Variants in DIXDC1 observed in about 807,000 individuals in gnomAD.
The protein encoded by DIXDC1 is dixin.
A neutral mutation model predicts 103.1 loss-of-function variants in DIXDC1; 64 were observed. The observed-to-expected ratio is 0.62, with a 90% CI of 0.51 to 0.76. The LOEUF (loss-of-function observed/expected upper bound fraction) is 0.76. Among genes scored for constraint, DIXDC1 ranks in the 30% least tolerant of loss-of-function variants. The pLI is 0.00. For synonymous variants in DIXDC1, 266 were observed against 298.5 expected (o/e 0.89, Z 1.12); for missense variants, 759 against 834.2 (o/e 0.91, Z 1.11).
intron 5 of DIXDC1, among the ~76,000 whole-genome samples, chr11:111,979,237 A>G (rs1555173013): frequency 6.6e-6 from 1 of 152,220 alleles, no homozygotes. Flanking sequence ...ACTAGTCCTC[A>G]GGCTGCCTCA....
chr11:112,011,754 G>A (rs1861427837), intron 17 of DIXDC1, among the ~76,000 whole-genome samples: 5 of 151,734 alleles, frequency 3.3e-5, no homozygotes, highest in Non-Finnish European at 5.9e-5. Flanking sequence ...ATTGAACAAT[G>A]AGAACACATG....
chr11:111,965,914 T>TTTGGATCTAAAACATAGA (rs1859712186), intron 2 of DIXDC1, among the ~76,000 whole-genome samples: 1 of 152,194 alleles, frequency 6.6e-6, no homozygotes, highest in Non-Finnish European at 1.5e-5. Flanking sequence ...TCTGCTTTAA[T>TTTGGATCTAAAACATAGA]TCCAAAGCCT....
intron 10 of DIXDC1, among the ~76,000 whole-genome samples, chr11:111,989,561 T>C (rs1860623917): frequency 6.7e-6 from 1 of 149,310 alleles, no homozygotes; most frequent in East Asian, 2.0e-4. Flanking sequence ...GAGGCAGAGG[T>C]TGCAGTGAGC....
intron 2 of DIXDC1, 62 bp from the exon 3 acceptor site, chr11:111,968,451 C>A: frequency 6.4e-7 from 1 of 1,553,104 alleles, no homozygotes; most frequent in Non-Finnish European, 8.8e-7. Flanking sequence ...CTGTGTCTAG[C>A]TGCTATGAAA....
At chr11:111,991,895 G>A (rs1555174569) in intron 10 of DIXDC1, among the ~76,000 whole-genome samples, 1 of 152,200 alleles carries the variant, frequency 6.6e-6, no homozygotes, top group Non-Finnish European at 1.5e-5. Flanking sequence ...AGAGTGGCGG[G>A]CATGAATAGG....
chr11:111,992,653 AT>A, intron 11 of DIXDC1, 134 bp downstream of exon 11: 1 of 801,474 alleles, frequency 1.2e-6, no homozygotes, highest in South Asian at 1.8e-5. Flanking sequence ...GTCTGCAGTT[AT>A]TTTTATTCCC....
In DIXDC1 at chr11:111,964,826, A is replaced by T. The variant is rs931042185; in HGVS notation, c.190+148A>T. On this transcript the variant is annotated intron_variant, in intron 2 of 19. Transcript: ENST00000440460. Reference sequence around the variant, plus strand: ...AGACTTAAAATACTTGCCCAAGGTTAATTCATTTATTTATTCGTCAATAAA... The same window carrying T: ...AGACTTAAAATACTTGCCCAAGGTTTATTCATTTATTTATTCGTCAATAAA... 2.1e-5 allele frequency: 21 copies of T among 1,022,884 alleles called. No individual in the cohort carries two copies. The Admixed American group carries it at 4.2e-4, about 20-fold the overall frequency. 63.4% of individuals were successfully genotyped at this position (1,022,884 alleles called of 1,614,324 possible). A position where few individuals can be genotyped will look rare whatever the true frequency, so the allele number is the denominator to read the frequency against.
chr11:111,995,088 A>AC lies in DIXDC1; in HGVS notation c.1508dup (p.Ser504PhefsTer35), dbSNP rs1860849062. ...CCTTCCAACGGCAGGAAAAGGAGCT[A>AC]CTTCAGTCAGCAACAGAGGGGTACG... On this transcript the variant is annotated frameshift_variant, in exon 15 of 20. Coordinates refer to ENST00000440460, the MANE Select transcript of DIXDC1 (RefSeq NM_001037954.4). LOFTEE classifies it high-confidence loss of function. 1 of 1,613,728 alleles carries AC rather than the reference A, an allele frequency of 6.2e-7. No homozygotes were observed. Among genetic ancestry groups the AC allele is most frequent in the South Asian group, 1.1e-5 (1 of 91,086 alleles).
chr11:111,953,659 A>G (rs113620950), intron 1 of DIXDC1, among the ~76,000 whole-genome samples: 2 of 152,100 alleles, frequency 1.3e-5, no homozygotes, highest in Non-Finnish European at 2.9e-5. Flanking sequence ...AATAAAATCA[A>G]CCAGAATTTG....
At chr11:111,974,341 C>A (rs1860030102) in intron 4 of DIXDC1, 87 bp downstream of exon 4, 1 of 1,297,982 alleles carries the variant, frequency 7.7e-7, no homozygotes, top group Non-Finnish European at 1.1e-6. Flanking sequence ...ATAGAAACGT[C>A]ACCCAAACAG....
At position 112,020,586 on chromosome 11, in the gene DIXDC1, A is replaced by G. The variant is rs1861725875; in HGVS notation, c.*1550A>G. On this transcript the variant is annotated 3_prime_UTR_variant, in exon 20 of 20. Transcript: ENST00000440460. ...ATTCTGTATACTGTATCCATTTTCT[A>G]GAGAACCCAGTAGCTTTTATACAGT... The G allele has an allele frequency of 6.6e-6, 1 of 152,216 alleles. No individual in the cohort carries two copies. Among genetic ancestry groups the G allele is most frequent in the African/African-American group, 2.4e-5 (1 of 41,456 alleles). 9.4% of individuals were successfully genotyped at this position (152,216 alleles called of 1,614,324 possible). A position where few individuals can be genotyped will look rare whatever the true frequency, so the allele number is the denominator to read the frequency against.
intron 1 of DIXDC1, among the ~76,000 whole-genome samples, chr11:111,941,866 A>C (rs1294777501): frequency 6.6e-6 from 1 of 151,782 alleles, no homozygotes. Context: ...ACACACACAC[A>C]CACACACCCA....
intron 5 of DIXDC1, 64 bp from the exon 6 acceptor site, chr11:111,980,673 T>G: frequency 3.7e-6 from 5 of 1,369,454 alleles, no homozygotes; most frequent in Non-Finnish European, 5.1e-6. Flanking sequence ...GAATAAATTA[T>G]GAAAGCTGCT....
intron 14 of DIXDC1, 67 bp downstream of exon 14, chr11:111,993,807 CAG>C: frequency 6.4e-7 from 1 of 1,557,978 alleles, no homozygotes; most frequent in Non-Finnish European, 8.7e-7. Context: ...GTTTCTGACT[CAG>C]AGCTGAACCA....
chr11:111,952,835 A>AG (rs1966842692), intron 1 of DIXDC1, among the ~76,000 whole-genome samples: 1 of 151,608 alleles, frequency 6.6e-6, no homozygotes, highest in Non-Finnish European at 1.5e-5. Flanking sequence ...AAAAAAAAAA[A>AG]ATCCAAAAAT....
chr11:111,959,074 C>A (rs1376502032), intron 1 of DIXDC1, among the ~76,000 whole-genome samples: 5 of 152,232 alleles, frequency 3.3e-5, no homozygotes, highest in African/African-American at 1.2e-4. Flanking sequence ...TCCTCTTCAC[C>A]TTACCCTCCA....
At chr11:111,950,230 A>T (rs1555169766) in intron 1 of DIXDC1, among the ~76,000 whole-genome samples, 1 of 151,670 alleles carries the variant, frequency 6.6e-6, no homozygotes, top group African/African-American at 2.4e-5. Flanking sequence ...ATGAGTCACC[A>T]ATGTGACCCA....
rs1555178328 is a variant in DIXDC1 at position 112,020,660 on chromosome 11, G to A, written c.*1624G>A. On this transcript the variant is annotated 3_prime_UTR_variant, in exon 20 of 20. Transcript: ENST00000440460. ...TTCAGAACAAGCTTTATTTTATTAC[G>A]AGTATATTAATGACAACTAATTCCT... 1.3e-5 allele frequency: 2 copies of A among 152,024 alleles called. No homozygotes were observed. Among genetic ancestry groups the A allele is most frequent in the Non-Finnish European group, 2.9e-5 (2 of 68,026 alleles). 9.4% of individuals were successfully genotyped at this position (152,024 alleles called of 1,614,324 possible). A position where few individuals can be genotyped will look rare whatever the true frequency, so the allele number is the denominator to read the frequency against.
At chr11:111,988,590 ACAT>A (rs1860580693) in intron 9 of DIXDC1, among the ~76,000 whole-genome samples, 2 of 152,208 alleles carry the variant, frequency 1.3e-5, no homozygotes, top group Admixed American at 1.3e-4. Flanking sequence ...CCTTTGCTAA[ACAT>A]TAAAAATAGG....
Sources: allele counts gnomAD v4.1 joint callset (sites outside exome capture counted in the v4.1 genomes callset), GRCh38; gene constraint gnomAD v4.1.1; transcripts MANE v1.5; gene names NCBI Gene and HGNC (gene_info 2026-07-23, HGNC 2026-07-21).